Variants in JADE3 observed in about 807,000 individuals in gnomAD.
The protein encoded by JADE3 is jade family PHD finger 3.
A neutral mutation model predicts 50.1 loss-of-function variants in JADE3; 2 were observed. That is an observed-to-expected ratio of 0.04 (90% CI 0.02 to 0.13). The LOEUF (loss-of-function observed/expected upper bound fraction) is 0.13. Ranked by LOEUF, JADE3 falls within the 10% of genes least tolerant of loss-of-function variation. The probability of loss-of-function intolerance (pLI) is 1.00; values close to 1 mark genes in which losing one functional copy is unlikely to be tolerated. For missense variants in JADE3, 475 were observed against 634.4 expected (o/e 0.75, Z 2.70); for synonymous variants, 218 against 232.9 (o/e 0.94, Z 0.58).
chrX:46,914,581 T>G (rs370937216), intron 1 of JADE3, among the ~76,000 whole-genome samples: 13 of 112,218 alleles, frequency 1.2e-4, no homozygotes, highest in African/African-American at 4.2e-4. Context: ...GTATTCAACT[T>G]TCAATCGATG....
At chrX:46,998,381 A>T (rs1928188926) in intron 4 of JADE3, 104 bp downstream of exon 4, 1 of 703,172 alleles carries the variant, frequency 1.4e-6, no homozygotes, top group African/African-American at 2.2e-5. Flanking sequence ...TATAGTACAA[A>T]GTCACATACC....
chrX:46,951,585 C>A (rs1160763274), intron 1 of JADE3, among the ~76,000 whole-genome samples: 430 of 72,892 alleles, frequency 5.9e-3, no homozygotes, highest in Admixed American at 8.4e-3. Flanking sequence ...GACTCCGTCT[C>A]AAAAAAAAAA....
intron 3 of JADE3, among the ~76,000 whole-genome samples, chrX:46,987,481 C>G (rs1425123215): frequency 2.7e-5 from 3 of 112,266 alleles, no homozygotes; most frequent in Middle Eastern, 4.2e-3. Context: ...GGGAGTGACT[C>G]TTTGTGGGTT....
intron 1 of JADE3, among the ~76,000 whole-genome samples, chrX:46,968,709 A>AT (rs782172893): frequency 1.8e-5 from 2 of 111,596 alleles, no homozygotes; most frequent in Non-Finnish European, 3.8e-5. Context: ...AATGATACAA[A>AT]GGGTCGATCC....
At chrX:46,971,791 G>C (rs373151439) in intron 1 of JADE3, among the ~76,000 whole-genome samples, 1,231 of 101,541 alleles carry the variant, frequency 0.012, 11 homozygotes, top group Non-Finnish European at 0.021. Context: ...GCGAGACTCC[G>C]TCTAAAAAAA....
At chrX:46,983,323 T>C (rs1927796179) in intron 1 of JADE3, among the ~76,000 whole-genome samples, 1 of 111,088 alleles carries the variant, frequency 9.0e-6, no homozygotes, top group Non-Finnish European at 1.9e-5. Flanking sequence ...AGCTTCCCTC[T>C]GAGTGTCAGC....
At chrX:47,057,660 C>G (rs1232618326) in intron 10 of JADE3, among the ~76,000 whole-genome samples, 2 of 111,676 alleles carry the variant, frequency 1.8e-5, no homozygotes, top group Non-Finnish European at 3.8e-5. Context: ...CACATACATA[C>G]TCTTCACCCA....
chrX:47,016,891 A>G (rs2147145953), intron 4 of JADE3, among the ~76,000 whole-genome samples: 1 of 110,714 alleles, frequency 9.0e-6, no homozygotes, highest in East Asian at 2.8e-4. Context: ...ACTAAAGTAC[A>G]CTCTTGCTTT....
intron 3 of JADE3, among the ~76,000 whole-genome samples, chrX:46,991,441 T>C (rs1215374269): frequency 9.0e-6 from 1 of 110,645 alleles, no homozygotes; most frequent in Non-Finnish European, 1.9e-5. Context: ...CCACATTTTG[T>C]TTATCCGTTC....
chrX:46,956,664 C>T (rs1376260920), intron 1 of JADE3, among the ~76,000 whole-genome samples: 2 of 110,515 alleles, frequency 1.8e-5, no homozygotes, highest in East Asian at 2.8e-4. Flanking sequence ...GTAGCTGGTA[C>T]TGCAGGTGTG....
Position 47,055,581 on chromosome X carries a change from G to A in JADE3, c.1444-501G>A, listed in dbSNP as rs6609452. Among the ~76,000 whole-genome samples, 586 of 112,200 alleles carry A rather than the reference G, an allele frequency of 5.2e-3. 5 individuals are homozygous for A. Among genetic ancestry groups the A allele is most frequent in the African/African-American group, 0.018 (560 of 30,892 alleles). ...AAAGTTTGTGTAACTTGCCTAGGTA[G>A]GGAGTATGAGAGAGAGAGTATTTCA... On this transcript the variant is annotated intron_variant, in intron 9 of 10. Transcript: ENST00000614628.
intron 1 of JADE3, among the ~76,000 whole-genome samples, chrX:46,941,746 T>A (rs1333105718): frequency 1.8e-5 from 2 of 109,365 alleles, no homozygotes; most frequent in Non-Finnish European, 3.8e-5. Context: ...ATTTTTTTTT[T>A]TTTTGGATAC....
chrX:47,025,525 A>G (rs190711111), intron 5 of JADE3, among the ~76,000 whole-genome samples: 14 of 112,647 alleles, frequency 1.2e-4, no homozygotes, highest in African/African-American at 4.2e-4. Flanking sequence ...AGATAAAATG[A>G]AACAAAAACA....
At chrX:46,983,119 CT>C (rs1203049877) in intron 1 of JADE3, among the ~76,000 whole-genome samples, 2 of 112,291 alleles carry the variant, frequency 1.8e-5, no homozygotes, top group Non-Finnish European at 3.8e-5. Flanking sequence ...GCAAGAGGCT[CT>C]TTCCCTGCTG....
At position 47,058,620 on chromosome X, in the gene JADE3, G is replaced by C; in HGVS notation, c.2015G>C (p.Ser672Thr). The change falls in exon 11 of 11, where the codon AGC becomes ACC. Residue 672 changes from serine (S) to threonine (T), a missense_variant. Physicochemically the swap from Ser to Thr is moderately conservative, Grantham distance 58. This residue lies in a region of JADE3 where 243 missense variants were observed against 238.2 expected (regional missense o/e 1.02). Transcript: ENST00000614628. ...GCCAAATCCAATGGCCTGGAGGGCA[G>C]CTGGTCTGGGAATGTCACCCAAAAA... Reference protein sequence around the residue: ...KFAKSNGLEGSWSGNVTQKDS... With the variant: ...KFAKSNGLEGTWSGNVTQKDS... The C allele has an allele frequency of 2.5e-6, 3 of 1,211,533 alleles. No individual in the cohort carries two copies. Among genetic ancestry groups the C allele is most frequent in the Non-Finnish European group, 3.4e-6 (3 of 895,342 alleles).
intron 1 of JADE3, among the ~76,000 whole-genome samples, chrX:46,924,234 C>T (rs782477390): frequency 9.0e-6 from 1 of 111,723 alleles, no homozygotes; most frequent in East Asian, 2.8e-4. Flanking sequence ...TGGTGGAATT[C>T]CTGTAGGAAA....
chrX:46,971,153 T>A (rs918835949), intron 1 of JADE3, among the ~76,000 whole-genome samples: 8 of 102,305 alleles, frequency 7.8e-5, no homozygotes, highest in African/African-American at 2.5e-4. Context: ...TTCACTATTG[T>A]TGCCCAGGCT....
chrX:47,020,913 A>C (rs1928779544), intron 4 of JADE3, among the ~76,000 whole-genome samples: 1 of 109,995 alleles, frequency 9.1e-6, no homozygotes, highest in African/African-American at 3.3e-5. Context: ...CCAGGAGTTC[A>C]AGACTAGCCT....
intron 1 of JADE3, among the ~76,000 whole-genome samples, chrX:46,982,941 G>C (rs781954619): frequency 9.0e-6 from 1 of 111,635 alleles, no homozygotes; most frequent in Admixed American, 9.5e-5. Flanking sequence ...CAGTTCTCCT[G>C]ACTCAGCCTC....
Sources: allele counts gnomAD v4.1 joint callset (sites outside exome capture counted in the v4.1 genomes callset), GRCh38; gene constraint gnomAD v4.1.1; regional missense constraint gnomAD v4.1.1; transcripts MANE v1.5; gene names NCBI Gene and HGNC (gene_info 2026-07-23, HGNC 2026-07-21).